Variants in TMTC2 observed in about 807,000 individuals in gnomAD.
TMTC2 encodes the protein transmembrane O-mannosyltransferase targeting cadherins 2, also known as protein O-mannosyl-transferase TMTC2.
Under a neutral mutation model 82.4 loss-of-function variants are expected in TMTC2, and 43 were observed. That is an observed-to-expected ratio of 0.52 (90% CI 0.41 to 0.67). The LOEUF (loss-of-function observed/expected upper bound fraction) is 0.67, where lower values mean the gene tolerates loss of function less well. Among genes scored for constraint, TMTC2 ranks in the 30% least tolerant of loss-of-function variants. The pLI, the probability that TMTC2 is intolerant of heterozygous loss-of-function variation, is 0.00. For missense variants in TMTC2, 919 were observed against 1,012.4 expected (o/e 0.91, Z 1.25); for synonymous variants, 408 against 381.9 (o/e 1.07, Z -0.80).
At chr12:82,782,497 A>G (rs761767520) in intron 1 of TMTC2, among the ~76,000 whole-genome samples, 2 of 152,256 alleles carry the variant, frequency 1.3e-5, no homozygotes, top group Middle Eastern at 3.4e-3. Context: ...GGAACTCTAA[A>G]CAGAGCTCTT....
chr12:82,934,152 A>G (rs758798393), intron 4 of TMTC2, among the ~76,000 whole-genome samples: 1 of 152,228 alleles, frequency 6.6e-6, no homozygotes, highest in Non-Finnish European at 1.5e-5. Context: ...CTAAGGTCAC[A>G]CAGAAAATAA....
chr12:82,728,345 A>C (rs1411422312), intron 1 of TMTC2, among the ~76,000 whole-genome samples: 3 of 152,080 alleles, frequency 2.0e-5, no homozygotes, highest in Non-Finnish European at 2.9e-5. Context: ...TTTTATAAAA[A>C]GGTTTTTTTT....
At chr12:82,818,326 G>A (rs968018528) in intron 1 of TMTC2, among the ~76,000 whole-genome samples, 2 of 151,968 alleles carry the variant, frequency 1.3e-5, no homozygotes, top group African/African-American at 4.8e-5. Flanking sequence ...CTCAGTATAA[G>A]TTTTCCATGG....
At chr12:82,934,033 A>T (rs1682570) in intron 4 of TMTC2, among the ~76,000 whole-genome samples, 1 of 152,038 alleles carries the variant, frequency 6.6e-6, no homozygotes, top group Non-Finnish European at 1.5e-5. Context: ...AGTAGCTTCA[A>T]TTACCTCTGT....
intron 2 of TMTC2, among the ~76,000 whole-genome samples, chr12:82,858,646 C>T (rs1485205036): frequency 4.2e-4 from 61 of 144,430 alleles, no homozygotes; most frequent in Non-Finnish European, 6.9e-4. Context: ...TTTAAATGCC[C>T]TTTTTTTTTT....
At chr12:83,012,103 C>T (rs1239588394) in intron 8 of TMTC2, among the ~76,000 whole-genome samples, 1 of 152,114 alleles carries the variant, frequency 6.6e-6, no homozygotes, top group Non-Finnish European at 1.5e-5. Flanking sequence ...CACCTACTCT[C>T]TCTTATTATT....
chr12:82,873,213 T>TTGTGTGTGTGTGTGTGTG (rs35177760), intron 2 of TMTC2, among the ~76,000 whole-genome samples: 8 of 143,636 alleles, frequency 5.6e-5, no homozygotes, highest in African/African-American at 2.1e-4. Context: ...TTCAAAGATG[T>TTGTGTGTGTGTGTGTGTG]TGTGTGTGTG....
chr12:83,070,275 G>T (rs2137486506), intron 11 of TMTC2, among the ~76,000 whole-genome samples: 1 of 152,176 alleles, frequency 6.6e-6, no homozygotes, highest in Admixed American at 6.5e-5. Context: ...ATTGCTTTTG[G>T]CAGTATGGTC....
In TMTC2 at chr12:82,858,622, G is replaced by A. The variant is rs573344364; in HGVS notation, c.654+1042G>A. Among the ~76,000 whole-genome samples, 31 of 150,848 alleles carry A rather than the reference G, an allele frequency of 2.1e-4. 1 individual carries two copies. The highest frequency in any genetic ancestry group is 3.3e-4 in the Admixed American group (5 of 15,142). On this transcript the variant is annotated intron_variant, in intron 2 of 11. Coordinates refer to ENST00000321196, the MANE Select transcript of TMTC2 (RefSeq NM_152588.3). The stretch of plus-strand genomic sequence containing the variant: ...AAACAAATTGAGGCAAATGCTGTTC[G>A]AAACATCAATTTTTTTAAATGCCCT...
intron 1 of TMTC2, among the ~76,000 whole-genome samples, chr12:82,731,876 T>C (rs1383915191): frequency 6.6e-6 from 1 of 152,220 alleles, no homozygotes; most frequent in Non-Finnish European, 1.5e-5. Context: ...AAAAATAATA[T>C]AGAGCCAATT....
chr12:82,798,722 G>A (rs1025467541), intron 1 of TMTC2, among the ~76,000 whole-genome samples: 29 of 148,074 alleles, frequency 2.0e-4, no homozygotes, highest in African/African-American at 3.0e-4. Context: ...CAGGAGAATC[G>A]CTTGAACCCG....
intron 11 of TMTC2, among the ~76,000 whole-genome samples, chr12:83,082,509 T>C (rs1486276717): frequency 6.6e-6 from 1 of 152,244 alleles, no homozygotes. Flanking sequence ...TATACTATCC[T>C]TGACAATATA....
intron 1 of TMTC2, among the ~76,000 whole-genome samples, chr12:82,701,630 G>A (rs1272762915): frequency 6.7e-6 from 1 of 149,654 alleles, no homozygotes; most frequent in Non-Finnish European, 1.5e-5. Flanking sequence ...GTGTGGAGGT[G>A]CAAGCCTGTA....
chr12:82,950,479 C>T (rs1412170965), intron 4 of TMTC2, among the ~76,000 whole-genome samples: 2 of 152,150 alleles, frequency 1.3e-5, no homozygotes, highest in African/African-American at 4.8e-5. Context: ...CCAACAATAA[C>T]AACTAGCTGC....
At chr12:82,742,359 T>TA (rs11454243) in intron 1 of TMTC2, among the ~76,000 whole-genome samples, 129,528 of 148,382 alleles carry the variant, frequency 0.87, 56,565 homozygotes, top group East Asian at 0.95. Context: ...TGAAGAAGTT[T>TA]AAAAAAAAAA....
At chr12:82,947,179 G>C (rs1877054873) in intron 4 of TMTC2, among the ~76,000 whole-genome samples, 1 of 152,122 alleles carries the variant, frequency 6.6e-6, no homozygotes, top group Non-Finnish European at 1.5e-5. Flanking sequence ...GTTTGAGTGT[G>C]TCCCCTGTAC....
rs114504263 is a variant in TMTC2 at position 82,753,631 on chromosome 12, T to C, written c.83+65962T>C. On this transcript the variant is annotated intron_variant, in intron 1 of 11. Transcript: ENST00000321196. Reference sequence around the variant, plus strand: ...AAAAGAAAACTTCAGAAGCTGACTTTTTTCAAAGAAGATATGAGAAGTTTA... The same window carrying C: ...AAAAGAAAACTTCAGAAGCTGACTTCTTTCAAAGAAGATATGAGAAGTTTA... Among the ~76,000 whole-genome samples the C allele has an allele frequency of 1.8e-3, 272 of 152,312 alleles. 1 individual carries two copies. Among genetic ancestry groups the C allele is most frequent in the African/African-American group, 6.2e-3 (256 of 41,562 alleles).
intron 2 of TMTC2, among the ~76,000 whole-genome samples, chr12:82,879,466 G>T (rs892371744): frequency 2.0e-5 from 3 of 152,174 alleles, no homozygotes; most frequent in African/African-American, 7.2e-5. Flanking sequence ...ATCTAATGCT[G>T]CTCCTTATCT....
chr12:82,775,530 CTA>C (rs747819260), intron 1 of TMTC2, among the ~76,000 whole-genome samples: 1 of 151,972 alleles, frequency 6.6e-6, no homozygotes, highest in Non-Finnish European at 1.5e-5. Flanking sequence ...AGAGAGGAAA[CTA>C]TGTGAGACAT....
Sources: gnomAD v4.1 joint callset for allele counts (sites outside exome capture counted in the v4.1 genomes callset) on GRCh38, gnomAD v4.1.1 for gene constraint, MANE v1.5 for transcripts, NCBI Gene and HGNC (gene_info 2026-07-23, HGNC 2026-07-21) for gene names.